Variants in MAML3 observed in about 807,000 individuals in gnomAD.
MAML3 encodes mastermind like transcriptional coactivator 3.
Under a neutral mutation model 101.9 loss-of-function variants are expected in MAML3, and 27 were observed. The ratio of observed to expected loss-of-function variants is 0.27; its 90% CI spans 0.20 to 0.37. MAML3 has a LOEUF of 0.37. Among genes scored for constraint, MAML3 ranks in the 10% least tolerant of loss-of-function variants. The pLI is 1.00. For synonymous variants in MAML3, 501 were observed against 555.9 expected, an observed-to-expected ratio of 0.90 and a Z score of 1.39; for missense variants, 1,316 against 1,444.9, an observed-to-expected ratio of 0.91 and a Z score of 1.45.
chr4:140,057,584 A>G (rs933991583), intron 1 of MAML3, among the ~76,000 whole-genome samples: 2 of 152,214 alleles, frequency 1.3e-5, no homozygotes, highest in Non-Finnish European at 2.9e-5. Flanking sequence ...AACATTAGAT[A>G]TTTATATTCC....
At chr4:140,091,974 G>A (rs1364390501) in intron 1 of MAML3, among the ~76,000 whole-genome samples, 5 of 151,258 alleles carry the variant, frequency 3.3e-5, no homozygotes, top group Admixed American at 2.6e-4. Context: ...ATCTTCAAAC[G>A]AGACTATACA....
chr4:139,762,524 T>C (rs1489512379), intron 2 of MAML3, among the ~76,000 whole-genome samples: 4 of 152,186 alleles, frequency 2.6e-5, no homozygotes, highest in Admixed American at 2.6e-4. Flanking sequence ...TGCCAAATGA[T>C]AACGGTCCCC....
chr4:140,151,699 G>GC (rs1381919498), intron 1 of MAML3, among the ~76,000 whole-genome samples: 1 of 151,790 alleles, frequency 6.6e-6, no homozygotes, highest in Non-Finnish European at 1.5e-5. Flanking sequence ...GCGGGGGGGG[G>GC]GGGCACACAC....
intron 1 of MAML3, among the ~76,000 whole-genome samples, chr4:140,101,695 G>A (rs1336522136): frequency 6.6e-6 from 1 of 152,060 alleles, no homozygotes; most frequent in African/African-American, 2.4e-5. Context: ...AATTAGAAAT[G>A]AAATCAGGTT....
chr4:139,762,613 C>T (rs1010706360), intron 2 of MAML3, among the ~76,000 whole-genome samples: 10 of 152,124 alleles, frequency 6.6e-5, no homozygotes, highest in African/African-American at 2.4e-4. Context: ...AGGACAGAAT[C>T]GAGGAACTGA....
chr4:140,071,966 T>A (rs1161957893), intron 1 of MAML3, among the ~76,000 whole-genome samples: 1 of 152,144 alleles, frequency 6.6e-6, no homozygotes, highest in African/African-American at 2.4e-5. Context: ...TATGAACCCA[T>A]GTGGTGGACG....
chr4:139,998,390 AT>A, intron 1 of MAML3, among the ~76,000 whole-genome samples: 1 of 152,210 alleles, frequency 6.6e-6, no homozygotes, highest in East Asian at 1.9e-4. Flanking sequence ...TTCTCTATTG[AT>A]TCATGTTTGA....
intron 1 of MAML3, among the ~76,000 whole-genome samples, chr4:140,123,280 A>T (rs1169545150): frequency 6.6e-6 from 1 of 152,150 alleles, no homozygotes; most frequent in Non-Finnish European, 1.5e-5. Flanking sequence ...CCATAAAATT[A>T]TTTATAAGGG....
intron 1 of MAML3, among the ~76,000 whole-genome samples, chr4:140,002,387 A>G (rs1734940750): frequency 6.6e-6 from 1 of 152,194 alleles, no homozygotes; most frequent in Non-Finnish European, 1.5e-5. Context: ...TTACATTTTG[A>G]ATAGATGTAA....
intron 1 of MAML3, among the ~76,000 whole-genome samples, chr4:140,036,764 G>T (rs1726992413): frequency 6.6e-6 from 1 of 152,130 alleles, no homozygotes; most frequent in South Asian, 2.1e-4. Flanking sequence ...CTGGAAAATT[G>T]TTAAGTTATA....
At chr4:139,739,403 G>A (rs901746630) in intron 2 of MAML3, among the ~76,000 whole-genome samples, 1 of 152,154 alleles carries the variant, frequency 6.6e-6, no homozygotes, top group Non-Finnish European at 1.5e-5. Flanking sequence ...TCCCTCCAAT[G>A]GAAACACAAC....
Position 140,152,905 on chromosome 4 carries a change from A to C in MAML3, c.423T>G (p.Asp141Glu), listed in dbSNP as rs761917983. 3 of 1,611,930 alleles carry C rather than the reference A, an allele frequency of 1.9e-6. No individual in the cohort carries two copies. In the Admixed American group the frequency reaches 5.0e-5, roughly 27 times the overall value. The change falls in exon 1 of 5, where the codon GAT (aspartate) becomes GAG (glutamate). Residue 141 changes from aspartate to glutamate, a missense_variant. Transcript: ENST00000509479. ...TCTGCTCCGCCGAGGCAGCCTCCGC[A>C]TCTTGCTGGGGTTTGCTCGGGTGCT... The part of the protein sequence containing the change: ...KQQHPSKPQQ[D>E]AEAASAEQRN...
chr4:140,052,755 G>A (rs757589878), intron 1 of MAML3, among the ~76,000 whole-genome samples: 2 of 151,888 alleles, frequency 1.3e-5, no homozygotes, highest in Non-Finnish European at 2.9e-5. Flanking sequence ...GGCTGGTCTC[G>A]AACTCCTGAC....
intron 2 of MAML3, among the ~76,000 whole-genome samples, chr4:139,844,699 C>G (rs1017992496): frequency 3.3e-5 from 5 of 152,190 alleles, no homozygotes; most frequent in African/African-American, 1.2e-4. Flanking sequence ...TCTTCACATG[C>G]TGTTGTTGAC....
intron 1 of MAML3, among the ~76,000 whole-genome samples, chr4:139,924,969 G>A (rs944846430): frequency 6.8e-6 from 1 of 147,668 alleles, no homozygotes; most frequent in African/African-American, 2.5e-5. Flanking sequence ...AAGGAACTCC[G>A]GTTCGGTGAC....
At chr4:140,119,438 A>T (rs1728567458) in intron 1 of MAML3, among the ~76,000 whole-genome samples, 1 of 152,164 alleles carries the variant, frequency 6.6e-6, no homozygotes, top group Non-Finnish European at 1.5e-5. Context: ...CTCACATCTC[A>T]TGACCAATTT....
intron 1 of MAML3, among the ~76,000 whole-genome samples, chr4:140,125,288 C>T (rs565758522): frequency 4.9e-4 from 75 of 152,120 alleles, no homozygotes; most frequent in African/African-American, 1.5e-3. Context: ...TTTATTGGAG[C>T]CAGGTGCAGT....
chr4:139,902,510 C>T (rs904108154), intron 1 of MAML3, among the ~76,000 whole-genome samples: 1 of 152,144 alleles, frequency 6.6e-6, no homozygotes, highest in African/African-American at 2.4e-5. Flanking sequence ...ATTTTTCTCT[C>T]CGGGATGAAT....
chr4:139,966,088 C>T (rs1303862974), intron 1 of MAML3, among the ~76,000 whole-genome samples: 2 of 152,294 alleles, frequency 1.3e-5, no homozygotes, highest in South Asian at 4.1e-4. Context: ...CACCCACCAC[C>T]TTGAACACAA....
Sources: gnomAD v4.1 joint callset for allele counts (sites outside exome capture counted in the v4.1 genomes callset) on GRCh38, gnomAD v4.1.1 for gene constraint, MANE v1.5 for transcripts, NCBI Gene and HGNC (gene_info 2026-07-23, HGNC 2026-07-21) for gene names.